Variants in TSGA10 observed in about 807,000 individuals in gnomAD.
TSGA10 encodes testis specific 10, also known as testis-specific gene 10 protein.
A neutral mutation model predicts 96.6 loss-of-function variants in TSGA10; 43 were observed. That is an observed-to-expected ratio of 0.44 (90% confidence interval 0.35 to 0.57). The LOEUF is 0.57. Ranked by LOEUF, TSGA10 falls within the 20% of genes least tolerant of loss-of-function variation. The pLI, the probability that TSGA10 is intolerant of heterozygous loss-of-function variation, is 0.01. For missense variants in TSGA10, 703 were observed against 834.4 expected, an observed-to-expected ratio of 0.84 and a Z score of 1.94; for synonymous variants, 229 against 269.9, an observed-to-expected ratio of 0.85 and a Z score of 1.48.
intron 15 of TSGA10, among the ~76,000 whole-genome samples, chr2:99,065,655 C>G (rs2085188732): frequency 1.3e-5 from 2 of 152,156 alleles, no homozygotes; most frequent in South Asian, 2.1e-4. Context: ...TTATCTTGAT[C>G]ATGAACTGTT....
At chr2:99,132,217 C>T (rs1382987346) in intron 1 of TSGA10, among the ~76,000 whole-genome samples, 1 of 151,860 alleles carries the variant, frequency 6.6e-6, no homozygotes, top group African/African-American at 2.4e-5. Flanking sequence ...CCTCTTTGTA[C>T]CTCTGGTAGA....
chr2:99,090,814 G>A (rs141909923), intron 10 of TSGA10, among the ~76,000 whole-genome samples: 59 of 152,252 alleles, frequency 3.9e-4, no homozygotes, highest in Middle Eastern at 3.4e-3. Context: ...GGCATCCTGC[G>A]GAAGAAGAGA....
intron 20 of TSGA10, among the ~76,000 whole-genome samples, chr2:99,013,561 G>C (rs1426847066): frequency 1.3e-5 from 2 of 151,518 alleles, no homozygotes; most frequent in Non-Finnish European, 2.9e-5. Flanking sequence ...TCAATCTCCT[G>C]ATGTCGTGAT....
chr2:99,040,705 C>T (rs1298798679), intron 16 of TSGA10, among the ~76,000 whole-genome samples: 1 of 151,228 alleles, frequency 6.6e-6, no homozygotes, highest in Non-Finnish European at 1.5e-5. Context: ...AAACAATATA[C>T]AAATTCAAGG....
intron 1 of TSGA10, among the ~76,000 whole-genome samples, chr2:99,149,822 C>T (rs1158649704): frequency 4.4e-5 from 6 of 136,912 alleles, no homozygotes; most frequent in East Asian, 4.4e-4. Context: ...GACAGAGTCT[C>T]GCTCTTGTCG....
intron 16 of TSGA10, among the ~76,000 whole-genome samples, chr2:99,041,440 A>G (rs1220326171): frequency 6.6e-6 from 1 of 152,238 alleles, no homozygotes; most frequent in Non-Finnish European, 1.5e-5. Context: ...CTATACTACA[A>G]GGCTATGTTA....
At chr2:99,001,090 C>A (rs949790104) in intron 20 of TSGA10, among the ~76,000 whole-genome samples, 2 of 152,210 alleles carry the variant, frequency 1.3e-5, no homozygotes, top group Admixed American at 6.5e-5. Context: ...CAGACTTAAA[C>A]GTCCCTGTCT....
At chr2:99,031,013 T>C (rs1446721957) in intron 17 of TSGA10, among the ~76,000 whole-genome samples, 2 of 147,776 alleles carry the variant, frequency 1.4e-5, no homozygotes, top group South Asian at 2.2e-4. Flanking sequence ...ATGTGAAAAA[T>C]CAAAGAGATT....
intron 10 of TSGA10, among the ~76,000 whole-genome samples, chr2:99,091,429 CAATG>C (rs1482642207): frequency 6.6e-6 from 1 of 152,048 alleles, no homozygotes; most frequent in Non-Finnish European, 1.5e-5. Context: ...GTAAATAGCA[CAATG>C]AATAGAATAG....
chr2:99,030,210 G>A (rs191338206), intron 17 of TSGA10, among the ~76,000 whole-genome samples: 15 of 152,208 alleles, frequency 9.9e-5, no homozygotes, highest in African/African-American at 2.6e-4. Context: ...AGCTGGGTGT[G>A]TTGGCACATG....
At chr2:99,062,433 G>A (rs377745015) in intron 16 of TSGA10, among the ~76,000 whole-genome samples, 20 of 152,230 alleles carry the variant, frequency 1.3e-4, no homozygotes, top group African/African-American at 4.1e-4. Flanking sequence ...CCTGCACATT[G>A]GAAAGTTTTT....
At chr2:99,149,760 A>T (rs1045774831) in intron 1 of TSGA10, among the ~76,000 whole-genome samples, 4 of 137,106 alleles carry the variant, frequency 2.9e-5, no homozygotes, top group African/African-American at 8.2e-5. Context: ...CTTTTTACAG[A>T]CTAGACATCC....
chr2:99,102,887 T>C (rs2090933209), intron 10 of TSGA10: 1 of 684,548 alleles, frequency 1.5e-6, no homozygotes, highest in Admixed American at 2.5e-5. Flanking sequence ...TATATTTGTC[T>C]TTGTATTTTA....
chr2:99,051,167 G>A (rs968653033), intron 16 of TSGA10, among the ~76,000 whole-genome samples: 8 of 152,068 alleles, frequency 5.3e-5, no homozygotes, highest in Non-Finnish European at 1.2e-4. Flanking sequence ...AATATTAAAT[G>A]TAAACTGATA....
chr2:99,058,600 T>G lies in TSGA10; in HGVS notation c.1404+6339A>C, dbSNP rs536601610. On this transcript the variant is annotated intron_variant, in intron 16 of 20. Transcript: ENST00000393483. ...CTTCTGGCTAGACTGATGAAGAGAA[T>G]AGAGAAATGCTACAAATTACCAATA... Among the ~76,000 whole-genome samples, 14 of 152,130 alleles carry G rather than the reference T, an allele frequency of 9.2e-5. No individual in the cohort carries two copies. In the East Asian group the frequency reaches 2.7e-3, roughly 29 times the overall value.
At chr2:99,111,368 C>T (rs2091795340) in intron 4 of TSGA10, among the ~76,000 whole-genome samples, 1 of 152,250 alleles carries the variant, frequency 6.6e-6, no homozygotes, top group African/African-American at 2.4e-5. Flanking sequence ...AGTGAACATA[C>T]CCAGTCTTAT....
In TSGA10 at chr2:99,078,744, A is replaced by AG; in HGVS notation, c.796dup (p.Leu266ProfsTer3). Reference sequence around the variant, plus strand: ...TTGCAGGCATTCCTTTTCTTTAGCCAGATCATTGAGGGTTCCACCAAGAAT... The same window carrying AG: ...TTGCAGGCATTCCTTTTCTTTAGCCAGGATCATTGAGGGTTCCACCAAGAAT... On this transcript the variant is annotated frameshift_variant, in exon 12 of 21. Transcript: ENST00000393483. LOFTEE classifies it high-confidence loss of function. 1 of 1,613,722 alleles carries AG rather than the reference A, an allele frequency of 6.2e-7. No homozygotes were observed. The highest frequency in any genetic ancestry group is 8.5e-7 in the Non-Finnish European group (1 of 1,179,868).
chr2:99,026,048 T>A lies in TSGA10; in HGVS notation c.1615-5566A>T, dbSNP rs1051792461. On this transcript the variant is annotated intron_variant, in intron 17 of 20. Coordinates refer to ENST00000393483, the MANE Select transcript of TSGA10 (RefSeq NM_025244.4). ...GGAGGATCTTCCATGTTGAGAAGAC[T>A]ATGTATTCTACTGTTTTTGGAAGAG... Among the ~76,000 whole-genome samples, 7 of 152,348 alleles carry A rather than the reference T, an allele frequency of 4.6e-5. No individual in the cohort carries two copies. The South Asian group carries it at 1.4e-3, about 32-fold the overall frequency.
intron 20 of TSGA10, among the ~76,000 whole-genome samples, chr2:99,007,395 G>A (rs2078598114): frequency 6.6e-6 from 1 of 151,976 alleles, no homozygotes. Flanking sequence ...TTAAAATGCA[G>A]TTACTCAAAA....
Sources: gnomAD v4.1 joint callset for allele counts (sites outside exome capture counted in the v4.1 genomes callset) on GRCh38, gnomAD v4.1.1 for gene constraint, MANE v1.5 for transcripts, NCBI Gene and HGNC (gene_info 2026-07-23, HGNC 2026-07-21) for gene names.